ADAMTSL2: variants seen among roughly 807,000 people sequenced by gnomAD.
The protein encoded by ADAMTSL2 is ADAMTS-like protein 2.
Under a neutral mutation model 117.0 loss-of-function variants are expected in ADAMTSL2, and 55 were observed. The observed-to-expected ratio is 0.47, with a 90% CI of 0.38 to 0.59. The LOEUF is 0.59. Among genes scored for constraint, ADAMTSL2 ranks in the 20% least tolerant of loss-of-function variants. The probability of loss-of-function intolerance (pLI) is 0.00; values close to 1 mark genes in which losing one functional copy is unlikely to be tolerated. For synonymous variants in ADAMTSL2, 572 were observed against 566.4 expected, an observed-to-expected ratio of 1.01 and a Z score of -0.14; for missense variants, 1,182 against 1,354.5, an observed-to-expected ratio of 0.87 and a Z score of 2.00.
chr9:133,570,492 C>G lies in ADAMTSL2; in HGVS notation c.2577C>G (p.Thr859=). 6.2e-7 allele frequency: 1 copy of G among 1,611,842 alleles called. No individual in the cohort carries two copies. Among genetic ancestry groups the G allele is most frequent in the East Asian group, 2.2e-5 (1 of 44,810 alleles). Residue 859 remains threonine, a synonymous_variant, in exon 17 of 19, where the codon ACC becomes ACG. Transcript: ENST00000651351. ...AGAGGCCCTGCTTCAAGTGGTACAC[C>G]AGCCCCTGGTCAGAGGTGAGCTCCC... is the stretch of plus-strand genomic sequence containing the variant. The part of the protein sequence containing the change: ...CFERPCFKWY[T]SPWSECTKTC...
Position 133,549,195 on chromosome 9 carries a change from A to G in ADAMTSL2, c.939+1982A>G, listed in dbSNP as rs572222238. Reference sequence around the variant, plus strand: ...TTTTTTTTGTATTTTTAGTAGAGACAGGGTTTCACCGTTTTAGCCGGGATG... The same window carrying G: ...TTTTTTTTGTATTTTTAGTAGAGACGGGGTTTCACCGTTTTAGCCGGGATG... On this transcript the variant is annotated intron_variant, in intron 9 of 18. Transcript: ENST00000651351. 2.4e-3 allele frequency among the ~76,000 whole-genome samples: 43 copies of G among 17,724 alleles called. 15 individuals are homozygous for G. The highest frequency in any genetic ancestry group is 5.6e-3 in the African/African-American group (34 of 6,060). The allele number at this position is 17,724 out of a possible 152,430, so 11.6% of individuals were successfully genotyped here.
At chr9:133,549,416 C>T (rs143037107) in intron 9 of ADAMTSL2, among the ~76,000 whole-genome samples, 1 of 152,268 alleles carries the variant, frequency 6.6e-6, no homozygotes, top group African/African-American at 2.4e-5. Flanking sequence ...ACCATCTCAA[C>T]CTGAGGCTGC....
At position 133,558,302 on chromosome 9, in the gene ADAMTSL2, C is replaced by CG. The variant is rs983909721; in HGVS notation, c.1649+2377dup. Among the ~76,000 whole-genome samples the CG allele has an allele frequency of 3.9e-5, 6 of 152,146 alleles. No individual in the cohort carries two copies. Among genetic ancestry groups the CG allele is most frequent in the African/African-American group, 9.7e-5 (4 of 41,424 alleles). On this transcript the variant is annotated intron_variant, in intron 11 of 18. Transcript: ENST00000651351. This position sits in a 1 kb window ranked among gnomAD's most constrained non-coding sequence, Gnocchi z 4.3. Reference sequence around the variant, plus strand: ...AGAGATAAAGGGCAGAGGGAGGCGGCGGGGGAAACCACCAGGCCAAAATAG... The same window carrying CG: ...AGAGATAAAGGGCAGAGGGAGGCGGCGGGGGGAAACCACCAGGCCAAAATAG...
At chr9:133,544,343 G>T in intron 7 of ADAMTSL2, 127 bp from the exon 8 acceptor site, 1 of 821,470 alleles carries the variant, frequency 1.2e-6, no homozygotes, top group Admixed American at 1.7e-5. Flanking sequence ...CTACACAAGC[G>T]GGTGTGGGGG....
At chr9:133,533,318 G>A (rs986601826), upstream of ADAMTSL2, among the ~76,000 whole-genome samples, 6 of 152,174 alleles carry the variant, frequency 3.9e-5, no homozygotes, top group Admixed American at 3.9e-4. Flanking sequence ...GTGACTAGGA[G>A]CAGCCACCTT....
Position 133,541,015 on chromosome 9 carries a change from C to T in ADAMTSL2, c.682+14C>T, listed in dbSNP as rs201717245. 4.3e-5 allele frequency: 69 copies of T among 1,611,134 alleles called. No homozygotes were observed. Among genetic ancestry groups the T allele is most frequent in the East Asian group, 6.7e-5 (3 of 44,780 alleles). On this transcript the variant is annotated intron_variant, in intron 7 of 18. Transcript: ENST00000651351. The stretch of plus-strand genomic sequence containing the variant: ...ATGCCCACCTTGGTAAGCCACAGCG[C>T]GCCCTGGAGTCCAAGCACAGCAGAG...
chr9:133,568,164 A>G, intron 13 of ADAMTSL2, 109 bp from the exon 14 acceptor site: 1 of 1,175,560 alleles, frequency 8.5e-7, no homozygotes, highest in Non-Finnish European at 1.2e-6. Context: ...GCGGTTTTGG[A>G]CCACATAGGG....
At chr9:133,536,455 A>T in intron 1 of ADAMTSL2, 108 bp from the exon 2 acceptor site, 1 of 1,437,856 alleles carries the variant, frequency 7.0e-7, no homozygotes, top group Non-Finnish European at 9.2e-7. Flanking sequence ...CAGGCTTAGC[A>T]CGCACACCGC....
Position 133,537,582 on chromosome 9 carries a change from C to T in ADAMTSL2, c.233+35C>T, listed in dbSNP as rs561730912. ...TGGGCACGTGGCCCTGAGGGGATGGCATGAGGGCAGGGTAGCGGGCAGGAG... is the reference window on the plus strand; with the variant it reads ...TGGGCACGTGGCCCTGAGGGGATGGTATGAGGGCAGGGTAGCGGGCAGGAG... On this transcript the variant is annotated intron_variant, in intron 3 of 18. Transcript: ENST00000651351. 2.4e-4 allele frequency: 322 copies of T among 1,336,274 alleles called. 1 individual carries two copies. The South Asian group carries it at 2.6e-3, about 11-fold the overall frequency. The allele number at this position is 1,336,274 out of a possible 1,614,324, so 82.8% of individuals were successfully genotyped here. A position where few individuals can be genotyped will look rare whatever the true frequency, so the allele number is the denominator to read the frequency against.
At chr9:133,546,142 G>GC (rs1230696748) in intron 8 of ADAMTSL2, among the ~76,000 whole-genome samples, 2 of 152,046 alleles carry the variant, frequency 1.3e-5, no homozygotes, top group African/African-American at 2.4e-5. Flanking sequence ...AGCCCTGGAG[G>GC]CCCCCCACCT....
At position 133,566,931 on chromosome 9, in the gene ADAMTSL2, C is replaced by T. The variant is rs1564180442; in HGVS notation, c.1748-5C>T. The T allele has an allele frequency of 1.2e-6, 2 of 1,605,312 alleles. No individual in the cohort carries two copies. Among genetic ancestry groups the T allele is most frequent in the East Asian group, 2.2e-5 (1 of 44,526 alleles). On this transcript the variant is annotated splice_polypyrimidine_tract_variant and splice_region_variant and intron_variant, in intron 12 of 18. Coordinates refer to ENST00000651351, the MANE Select transcript of ADAMTSL2 (RefSeq NM_014694.4). ...CTCACAGACCCACCCCTGTCCCCAA[C>T]CCAGGGGTCATGTCTGCGTACGCCA...
chr9:133,574,964 C>T lies in ADAMTSL2; in HGVS notation c.*100C>T, dbSNP rs997122118. The T allele has an allele frequency of 3.3e-5, 30 of 911,368 alleles. No homozygotes were observed. In the African/African-American group the frequency reaches 4.8e-4, roughly 14 times the overall value. The allele number at this position is 911,368 out of a possible 1,614,324, so 56.5% of individuals were successfully genotyped here. On this transcript the variant is annotated 3_prime_UTR_variant, in exon 19 of 19. Transcript: ENST00000651351. ...ACAGACCCCCCTCCTGCGGGGCACG[C>T]TGGCCTAAGAGACGTGGCACTGAGC...
Position 133,547,117 on chromosome 9 carries a change from C to A in ADAMTSL2, c.843C>A (p.Gly281=). 6.2e-7 allele frequency: 1 copy of A among 1,613,886 alleles called. No homozygotes were observed. The highest frequency in any genetic ancestry group is 8.5e-7 in the Non-Finnish European group (1 of 1,179,782). Residue 281 remains glycine (G), a synonymous_variant, in exon 9 of 19, where the codon GGC becomes GGA. Coordinates refer to ENST00000651351, the MANE Select transcript of ADAMTSL2 (RefSeq NM_014694.4). ...GCCCCAAGAACTTCAACATCGCAGG[C>A]ACGGTGGTCAAGTACAGGCGGCCCA... ...VDSPKNFNIA[G]TVVKYRRPMD...
In ADAMTSL2 at chr9:133,537,417, A is replaced by G. The variant is rs773619265; in HGVS notation, c.103A>G (p.Thr35Ala). The change falls in exon 3 of 19, where the codon ACA (threonine) becomes GCA (alanine). Residue 35 changes from threonine (T) to alanine (A), a missense_variant. By Grantham distance (58) the Thr-to-Ala change is moderately conservative. This residue lies in a region of ADAMTSL2 where 372 missense variants were observed against 463.4 expected (regional missense o/e 0.80). Coordinates refer to ENST00000651351, the MANE Select transcript of ADAMTSL2 (RefSeq NM_014694.4). The part of the protein sequence containing the change: ...VSTGSTDNSP[T>A]SNSLEGGTDA... ...CCCTCTCACCCAGGACAACAGCCCA[A>G]CATCCAATAGCCTGGAGGGGGGCAC... The G allele has an allele frequency of 7.5e-7, 1 of 1,341,880 alleles. No individual in the cohort carries two copies. The highest frequency in any genetic ancestry group is 9.6e-7 in the Non-Finnish European group (1 of 1,037,702). The allele number at this position is 1,341,880 out of a possible 1,614,324, so 83.1% of individuals were successfully genotyped here.
chr9:133,563,829 G>GAA (rs1830810785), intron 12 of ADAMTSL2, among the ~76,000 whole-genome samples: 1 of 94,550 alleles, frequency 1.1e-5, no homozygotes, highest in Non-Finnish European at 2.3e-5. Flanking sequence ...GAGAGAGAGA[G>GAA]AGAGAGAGAG....
At chr9:133,544,623 G>T in intron 8 of ADAMTSL2, 73 bp downstream of exon 8, 1 of 1,315,700 alleles carries the variant, frequency 7.6e-7, no homozygotes, top group Non-Finnish European at 1.1e-6. Flanking sequence ...CAGAGAAGGG[G>T]CACTTGACCC....
chr9:133,561,524 G>T (rs1830728168), intron 12 of ADAMTSL2, among the ~76,000 whole-genome samples: 1 of 152,208 alleles, frequency 6.6e-6, no homozygotes, highest in Non-Finnish European at 1.5e-5. Flanking sequence ...CCAGGCCCCT[G>T]GGGGTCATCC....
chr9:133,536,720 G>A lies in ADAMTSL2; in HGVS notation c.8G>A (p.Gly3Asp), dbSNP rs1230048977. The A allele has an allele frequency of 2.5e-6, 4 of 1,614,234 alleles. No homozygotes were observed. Among genetic ancestry groups the A allele is most frequent in the Non-Finnish European group, 3.4e-6 (4 of 1,180,042 alleles). The stretch of plus-strand genomic sequence containing the variant: ...GTGGCCTTGCTTCCTAGGATGGATG[G>A]CAGATGGCAATGTTCCTGCTGGGCC... The part of the protein sequence containing the change: MD[G>D]RWQCSCWAWF... Residue 3 changes from glycine to aspartate, a missense_variant, in exon 2 of 19, where the codon GGC (glycine) becomes GAC (aspartate). Gly to Asp is a moderately conservative substitution (Grantham distance 94). Transcript: ENST00000651351.
intron 9 of ADAMTSL2, 100 bp downstream of exon 9, chr9:133,547,313 G>T: frequency 3.2e-6 from 4 of 1,243,610 alleles, no homozygotes; most frequent in Non-Finnish European, 4.5e-6. Flanking sequence ...CGCCCCCAGG[G>T]CCACTGTGCG....
Sources: allele counts gnomAD v4.1 joint callset (sites outside exome capture counted in the v4.1 genomes callset), GRCh38; gene constraint gnomAD v4.1.1; regional missense constraint gnomAD v4.1.1; non-coding constraint Gnocchi (gnomAD v3.1); transcripts MANE v1.5; gene names NCBI Gene and HGNC (gene_info 2026-07-23, HGNC 2026-07-21).